The following CHD1 variants were observed in gnomAD, a reference collection of about 807,000 sequenced individuals.
CHD1 encodes the protein chromodomain helicase DNA binding protein 1, also known as ATP-dependent chromatin remodeler CHD1.
A neutral mutation model predicts 224.2 loss-of-function variants in CHD1; 36 were observed. The observed-to-expected ratio is 0.16, with a 90% CI of 0.12 to 0.21. The LOEUF (loss-of-function observed/expected upper bound fraction) is 0.21, where lower values mean the gene tolerates loss of function less well. CHD1 is among the 10% of genes least tolerant of loss of function. CHD1 has a pLI of 1.00. For synonymous variants in CHD1, 668 were observed against 658.3 expected (o/e 1.01, Z -0.23); for missense variants, 1,378 against 1,994.8 (o/e 0.69, Z 5.89).
intron 2 of CHD1, among the ~76,000 whole-genome samples, chr5:98,915,608 G>T (rs926214309): frequency 1.3e-5 from 2 of 152,096 alleles, no homozygotes; most frequent in Non-Finnish European, 2.9e-5. Flanking sequence ...TCAATGACAT[G>T]AATGAAAATC....
chr5:98,895,887 T>C (rs1285414222), intron 12 of CHD1, among the ~76,000 whole-genome samples: 4 of 152,094 alleles, frequency 2.6e-5, no homozygotes, highest in Non-Finnish European at 4.4e-5. Flanking sequence ...AAGACTGTTA[T>C]ACAGACCAAA....
intron 21 of CHD1, 23 bp from the exon 22 acceptor site, chr5:98,881,194 T>C (rs765767692): frequency 2.1e-5 from 31 of 1,509,552 alleles, no homozygotes; most frequent in Non-Finnish European, 2.7e-5. Context: ...AGACAATATT[T>C]AAATATACTT....
chr5:98,870,965 G>A (rs567529477), intron 28 of CHD1, among the ~76,000 whole-genome samples, 162 bp from the exon 29 acceptor site: 3 of 151,930 alleles, frequency 2.0e-5, no homozygotes, highest in East Asian at 1.9e-4. Flanking sequence ...TTTTTTATAC[G>A]TATGCCAGAG....
At chr5:98,912,059 GA>G (rs957703059) in intron 2 of CHD1, among the ~76,000 whole-genome samples, 9 of 150,616 alleles carry the variant, frequency 6.0e-5, no homozygotes, top group East Asian at 1.9e-4. Flanking sequence ...TGGTCTAAAA[GA>G]AAAAAAAATT....
chr5:98,926,087 T>C (rs1412802266), intron 2 of CHD1, among the ~76,000 whole-genome samples: 2 of 152,106 alleles, frequency 1.3e-5, no homozygotes, highest in Non-Finnish European at 2.9e-5. Context: ...TCCAAATAGA[T>C]TTAAGTAAAC....
In CHD1 at chr5:98,859,005, T is replaced by C. The variant is rs553111541; in HGVS notation, c.4535A>G (p.Asp1512Gly). The C allele has an allele frequency of 3.0e-5, 47 of 1,579,162 alleles. No homozygotes were observed. The South Asian group carries it at 5.5e-4, about 18-fold the overall frequency. The part of the protein sequence containing the change: ...KKRQESQQNS[D>G]QNSNLNPHVI... ...GTGAGGATTCAAGTTGCTGTTTTGA[T>C]CACTGTTTTGCTAAAATAAATGCAC... The change falls in exon 34 of 36, where the codon GAT (aspartate) becomes GGT (glycine). Residue 1512 changes from aspartate to glycine, a missense_variant. Transcript: ENST00000614616.
chr5:98,859,228 A>T (rs921296042), intron 33 of CHD1, among the ~76,000 whole-genome samples: 1 of 152,226 alleles, frequency 6.6e-6, no homozygotes, highest in East Asian at 1.9e-4. Context: ...TTTCATTTTG[A>T]AATAAATTGA....
rs750386072 is a variant in CHD1 at position 98,900,895 on chromosome 5, A to G, written c.775T>C (p.Cys259Arg). The change falls in exon 7 of 36, where the codon TGT becomes CGT. Residue 259 changes from cysteine to arginine, a missense_variant. Around this residue, in one of 16 missense-constraint regions of CHD1, gnomAD observed 306 missense variants for 298.1 expected, o/e 1.03. Coordinates refer to ENST00000614616, the MANE Select transcript of CHD1 (RefSeq NM_001270.4). ...KTDSDDLLEVCGEDVPQPEEE... is the reference protein window; with the variant it reads ...KTDSDDLLEVRGEDVPQPEEE... Reference sequence around the variant, plus strand: ...TCAGGTTGAGGAACATCCTCTCCACAGACTTCCAGTAGGTCATCAGAATCT... The same window carrying G: ...TCAGGTTGAGGAACATCCTCTCCACGGACTTCCAGTAGGTCATCAGAATCT... 8 of 1,613,842 alleles carry G rather than the reference A, an allele frequency of 5.0e-6. No homozygotes were observed. The highest frequency in any genetic ancestry group is 1.3e-5 in the African/African-American group (1 of 74,926).
chr5:98,876,155 T>TA lies in CHD1; in HGVS notation c.3398+242dup, dbSNP rs145458353. Among the ~76,000 whole-genome samples, 1,265 of 152,136 alleles carry TA rather than the reference T, an allele frequency of 8.3e-3. 12 individuals carry two copies. Among genetic ancestry groups the TA allele is most frequent in the African/African-American group, 0.024 (1,010 of 41,510 alleles). On this transcript the variant is annotated intron_variant, in intron 24 of 35. Coordinates refer to ENST00000614616, the MANE Select transcript of CHD1 (RefSeq NM_001270.4). ...AAGGATCACTATTGAGTCAAATTAA[T>TA]AAAAAAAATTGTGTAGTCTAAGCAG...
intron 17 of CHD1, chr5:98,886,014 G>A (rs944801857): frequency 5.9e-6 from 1 of 168,688 alleles, no homozygotes; most frequent in Non-Finnish European, 1.3e-5. Context: ...CAAAATGTTG[G>A]TGCAACCCAT....
chr5:98,900,057 C>A (rs1257675931), intron 7 of CHD1, among the ~76,000 whole-genome samples: 1 of 151,884 alleles, frequency 6.6e-6, no homozygotes, highest in East Asian at 1.9e-4. Flanking sequence ...CCGAGGCGGG[C>A]GGATCACGAG....
At chr5:98,860,362 A>C in intron 32 of CHD1, 1 of 344,494 alleles carries the variant, frequency 2.9e-6, no homozygotes, top group East Asian at 7.6e-5. Flanking sequence ...GACATAAATT[A>C]AATCAGGAAG....
chr5:98,903,670 CTT>C (rs1197201601), intron 4 of CHD1, 120 bp downstream of exon 4: 19 of 791,692 alleles, frequency 2.4e-5, no homozygotes, highest in Middle Eastern at 2.6e-4. Context: ...GATATATACA[CTT>C]AAAGTATTTC....
At chr5:98,874,110 CAA>C (rs1454062450) in intron 25 of CHD1, among the ~76,000 whole-genome samples, 2 of 151,920 alleles carry the variant, frequency 1.3e-5, no homozygotes, top group African/African-American at 2.4e-5. Flanking sequence ...GATTAATACT[CAA>C]GACATTTTTT....
In CHD1 at chr5:98,856,589, C is replaced by T; in HGVS notation, c.4924G>A (p.Asp1642Asn). 1 of 1,613,778 alleles carries T rather than the reference C, an allele frequency of 6.2e-7. No individual in the cohort carries two copies. The highest frequency in any genetic ancestry group is 8.5e-7 in the Non-Finnish European group (1 of 1,179,774). The change falls in exon 36 of 36, where the codon GAC becomes AAC. Residue 1642 changes from aspartate to asparagine, a missense_variant. Asp to Asn is a conservative substitution (Grantham distance 23). Around this residue, in one of 16 missense-constraint regions of CHD1, gnomAD observed 278 missense variants for 298.5 expected, o/e 0.93. Transcript: ENST00000614616. ...GTATATTCAGAACTTGACCGGTGGT[C>T]TGAATGTAACCGATGATCTGAGTGA... ...RSHSDHRLHS[D>N]HRSSSEYTHH...
At chr5:98,912,769 T>G (rs1289843534) in intron 2 of CHD1, among the ~76,000 whole-genome samples, 2 of 152,232 alleles carry the variant, frequency 1.3e-5, no homozygotes, top group African/African-American at 4.8e-5. Flanking sequence ...ACTGTTTACG[T>G]GTATTTAAAC....
chr5:98,903,722 TCA>T lies in CHD1; in HGVS notation c.372+68_372+69del, dbSNP rs530297751. On this transcript the variant is annotated intron_variant, in intron 4 of 35. Transcript: ENST00000614616. ...AAAGCACTTATTATTTTTAATAATT[TCA>T]CAAATACTAGTTAACTGATTCAGCA... 4,145 of 1,025,678 alleles carry T rather than the reference TCA, an allele frequency of 4.0e-3. 12 individuals carry two copies. The highest frequency in any genetic ancestry group is 5.3e-3 in the Non-Finnish European group (3,413 of 644,564). 63.5% of individuals were successfully genotyped at this position (1,025,678 alleles called of 1,614,324 possible).
In CHD1 at chr5:98,854,728, T is replaced by A. The variant is rs1378510143; in HGVS notation, c.*1652A>T. ...AACCTAATTGGACAAAGGAAAATAT[T>A]AAAAAATACACCTATGGACAAATAT... On this transcript the variant is annotated 3_prime_UTR_variant, in exon 36 of 36. Coordinates refer to ENST00000614616, the MANE Select transcript of CHD1 (RefSeq NM_001270.4). 6.6e-6 allele frequency: 1 copy of A among 151,980 alleles called. No homozygotes were observed. Among genetic ancestry groups the A allele is most frequent in the African/African-American group, 2.4e-5 (1 of 41,406 alleles). 9.4% of individuals were successfully genotyped at this position (151,980 alleles called of 1,614,324 possible).
At chr5:98,892,182 T>C (rs1751063711) in intron 15 of CHD1, among the ~76,000 whole-genome samples, 1 of 152,178 alleles carries the variant, frequency 6.6e-6, no homozygotes, top group South Asian at 2.1e-4. Flanking sequence ...TTTTTCTAAG[T>C]TTCTTTTTTT....
Sources: gnomAD v4.1 joint callset for allele counts (sites outside exome capture counted in the v4.1 genomes callset) on GRCh38, gnomAD v4.1.1 for gene constraint, gnomAD v4.1.1 regional missense constraint, MANE v1.5 for transcripts, NCBI Gene and HGNC (gene_info 2026-07-23, HGNC 2026-07-21) for gene names.